TMPRSS9: variants seen among roughly 807,000 people sequenced by gnomAD.
TMPRSS9 encodes transmembrane protease serine 9.
Under a neutral mutation model 111.4 loss-of-function variants are expected in TMPRSS9, and 113 were observed. That is an observed-to-expected ratio of 1.01 (90% CI 0.87 to 1.19). The LOEUF (loss-of-function observed/expected upper bound fraction) is 1.19, where lower values mean the gene tolerates loss of function less well. TMPRSS9 is among the 50% of genes most tolerant of loss of function. TMPRSS9 has a pLI of 0.00. For missense variants in TMPRSS9, 1,803 were observed against 1,513.1 expected (o/e 1.19, Z -3.18); for synonymous variants, 805 against 659.1 (o/e 1.22, Z -3.39).
intron 1 of TMPRSS9, among the ~76,000 whole-genome samples, chr19:2,382,671 G>A (rs1201589304): frequency 4.8e-5 from 6 of 125,400 alleles, no homozygotes; most frequent in East Asian, 3.0e-4. Flanking sequence ...ACATGCACAC[G>A]TGCACACATA....
At chr19:2,414,097 T>G in intron 10 of TMPRSS9, 79 bp downstream of exon 11, 1 of 1,397,642 alleles carries the variant, frequency 7.2e-7, no homozygotes, top group African/African-American at 1.5e-5. Context: ...TCATAGTATC[T>G]TCATAATTTT....
At chr19:2,379,865 C>T (rs1177300400) in intron 1 of TMPRSS9, among the ~76,000 whole-genome samples, 1 of 151,702 alleles carries the variant, frequency 6.6e-6, no homozygotes, top group Admixed American at 6.6e-5. Context: ...CACTGATCCT[C>T]AGCCTCAAGA....
intron 4 of TMPRSS9, among the ~76,000 whole-genome samples, chr19:2,401,702 G>A (rs1341816808): frequency 2.6e-5 from 4 of 151,632 alleles, no homozygotes; most frequent in African/African-American, 9.7e-5. Flanking sequence ...CTGCCTCCCG[G>A]GTTCAAGCGA....
At chr19:2,386,732 C>G (rs1364247004), upstream of TMPRSS9, among the ~76,000 whole-genome samples, 1 of 152,212 alleles carries the variant, frequency 6.6e-6, no homozygotes, top group East Asian at 1.9e-4. Context: ...TGGCTCACAC[C>G]TGTCATCCCA....
chr19:2,393,363 A>G (rs947559310), intron 1 of TMPRSS9, among the ~76,000 whole-genome samples: 1 of 152,158 alleles, frequency 6.6e-6, no homozygotes, highest in African/African-American at 2.4e-5. Flanking sequence ...AAGAGCTGCA[A>G]CACTCCCTGG....
intron 1 of TMPRSS9, among the ~76,000 whole-genome samples, chr19:2,395,817 CTAACA>C (rs1410108190): frequency 2.0e-5 from 3 of 152,062 alleles, no homozygotes; most frequent in Non-Finnish European, 4.4e-5. Flanking sequence ...ACCATCCTGG[CTAACA>C]CAGTGAAATC....
chr19:2,417,042 CAG>C (rs1011699410), intron 12 of TMPRSS9, among the ~76,000 whole-genome samples: 54 of 152,276 alleles, frequency 3.5e-4, no homozygotes, highest in African/African-American at 1.2e-3. Flanking sequence ...TTTATTGGAA[CAG>C]GGGCCATGTT....
intron 13 of TMPRSS9, among the ~76,000 whole-genome samples, chr19:2,419,353 G>A (rs184490803): frequency 5.5e-4 from 82 of 149,744 alleles, no homozygotes; most frequent in Admixed American, 4.5e-3. Context: ...ATAGGCGCCC[G>A]CCACCATGCC....
At chr19:2,413,676 T>A in intron 9 of TMPRSS9, 24 bp from the exon 11 acceptor site, 1 of 1,585,836 alleles carries the variant, frequency 6.3e-7, no homozygotes, top group Non-Finnish European at 8.6e-7. Context: ...CGACCCATCC[T>A]GAGGGTGTGT....
At chr19:2,425,953 C>T (rs1718967752) in exon 18 of TMPRSS9, 4 of 1,602,456 alleles carry the variant, frequency 2.5e-6, no homozygotes, top group Non-Finnish European at 3.4e-6. Context: ...CCCTGGCCTG[C>T]AGGGAGCCCT....
exon 18 of TMPRSS9, chr19:2,426,116 T>C: frequency 6.6e-7 from 1 of 1,506,714 alleles, no homozygotes; most frequent in Non-Finnish European, 8.8e-7. Context: ...AGGCCGAGAC[T>C]CTACGTGAAA....
intron 14 of TMPRSS9, 59 bp downstream of exon 15, chr19:2,422,306 G>T: frequency 6.8e-7 from 1 of 1,472,834 alleles, no homozygotes; most frequent in South Asian, 1.4e-5. Flanking sequence ...ATCAGCCTGG[G>T]CTGCCTAACA....
At chr19:2,426,153 AC>A in exon 18 of TMPRSS9, 1 of 1,359,764 alleles carries the variant, frequency 7.4e-7, no homozygotes, top group Non-Finnish European at 9.4e-7. Flanking sequence ...GCCACCCAAC[AC>A]CCCACCCCAC....
chr19:2,378,457 T>C (rs142913635), intron 1 of TMPRSS9, among the ~76,000 whole-genome samples: 15,757 of 152,226 alleles, frequency 0.1, 1,582 homozygotes, highest in African/African-American at 0.27. Context: ...CAGTGGCTCA[T>C]GCCTGTAATC....
chr19:2,393,768 C>G (rs868374459), intron 1 of TMPRSS9, among the ~76,000 whole-genome samples: 2 of 151,240 alleles, frequency 1.3e-5, no homozygotes, highest in South Asian at 2.1e-4. Flanking sequence ...CAGACTGGTA[C>G]GCGCCTGTAA....
chr19:2,418,004 A>G, exon 13 of TMPRSS9: 5 of 1,611,328 alleles, frequency 3.1e-6, no homozygotes, highest in Non-Finnish European at 4.2e-6. Context: ...CCTGGTAGCC[A>G]CCAAGCCCGA....
In TMPRSS9 at chr19:2,411,299, C is replaced by CAAAAAAA. The variant is rs771305642; in HGVS notation, c.1254+933_1254+939dup. 4.3e-4 allele frequency among the ~76,000 whole-genome samples: 14 copies of CAAAAAAA among 32,324 alleles called. 1 individual carries two copies. The highest frequency in any genetic ancestry group is 7.3e-4 in the African/African-American group (5 of 6,850). The allele number at this position is 32,324 out of a possible 152,430, so 21.2% of individuals were successfully genotyped here. On this transcript the variant is annotated intron_variant, in intron 9 of 17. Coordinates refer to ENST00000648592, the Ensembl canonical transcript of TMPRSS9. Reference sequence around the variant, plus strand: ...TGGGCGACAAAGCAAGACTCTGTCTCAAAAAAAAAAAAAAAAAAAAAAAAA... The same window carrying CAAAAAAA: ...TGGGCGACAAAGCAAGACTCTGTCTCAAAAAAAAAAAAAAAAAAAAAAAAAAAAAAAA...
chr19:2,396,240 GA>G, intron 1 of TMPRSS9: 1 of 295,698 alleles, frequency 3.4e-6, no homozygotes, highest in Non-Finnish European at 6.2e-6. Context: ...TGCCTTCGAG[GA>G]AAACACGGGG....
At chr19:2,418,319 C>CCCTTTCCT (rs1568189365) in intron 13 of TMPRSS9, among the ~76,000 whole-genome samples, 181 bp downstream of exon 14, 2,384 of 39,632 alleles carry the variant, frequency 0.06, 765 homozygotes, top group African/African-American at 0.39. Flanking sequence ...CCCTCCCTCC[C>CCCTTTCCT]TCCCTCCCTC....
Sources: gnomAD v4.1 joint callset for allele counts (sites outside exome capture counted in the v4.1 genomes callset) on GRCh38, gnomAD v4.1.1 for gene constraint, MANE v1.5 for transcripts, NCBI Gene and HGNC (gene_info 2026-07-23, HGNC 2026-07-21) for gene names.